NRXN3: variants seen among roughly 807,000 people sequenced by gnomAD.
NRXN3 encodes the protein neurexin III.
A neutral mutation model predicts 137.6 loss-of-function variants in NRXN3; 32 were observed. The ratio of observed to expected loss-of-function variants is 0.23; its 90% CI spans 0.18 to 0.31. The LOEUF (loss-of-function observed/expected upper bound fraction) is 0.31, where lower values mean the gene tolerates loss of function less well. NRXN3 is among the 10% of genes least tolerant of loss of function. The probability of loss-of-function intolerance (pLI) is 1.00; values close to 1 mark genes in which losing one functional copy is unlikely to be tolerated. For synonymous variants in NRXN3, 798 were observed against 784.5 expected (o/e 1.02, Z -0.29); for missense variants, 1,574 against 2,062.5 (o/e 0.76, Z 4.59).
At chr14:78,665,177 A>C (rs1201312839) in intron 6 of NRXN3, among the ~76,000 whole-genome samples, 1 of 152,228 alleles carries the variant, frequency 6.6e-6, no homozygotes, top group Non-Finnish European at 1.5e-5. Flanking sequence ...CATGAAGGAA[A>C]TGAAAGAGAA....
intron 16 of NRXN3, among the ~76,000 whole-genome samples, chr14:79,472,709 G>A (rs2096525266): frequency 6.6e-6 from 1 of 152,122 alleles, no homozygotes; most frequent in African/African-American, 2.4e-5. Flanking sequence ...GCTATCGCTT[G>A]CGAGTGACAT....
At chr14:79,240,895 C>A (rs1388665649) in intron 15 of NRXN3, among the ~76,000 whole-genome samples, 4 of 152,158 alleles carry the variant, frequency 2.6e-5, no homozygotes, top group African/African-American at 9.7e-5. Context: ...CATGCAGGTG[C>A]AGAATCTAGA....
intron 4 of NRXN3, among the ~76,000 whole-genome samples, chr14:78,339,687 C>G (rs76429429): frequency 1.3e-5 from 2 of 152,004 alleles, no homozygotes; most frequent in African/African-American, 4.8e-5. Flanking sequence ...ACATGTGGAC[C>G]CTTAAGATGA....
chr14:78,383,593 A>G (rs925409416), intron 4 of NRXN3, among the ~76,000 whole-genome samples: 11 of 152,356 alleles, frequency 7.2e-5, no homozygotes, highest in African/African-American at 2.6e-4. Context: ...TAGGCATATC[A>G]TCTACTGTAC....
chr14:79,382,994 G>T (rs181680759), intron 15 of NRXN3, among the ~76,000 whole-genome samples: 2 of 150,444 alleles, frequency 1.3e-5, no homozygotes, highest in Admixed American at 6.7e-5. Flanking sequence ...AGGTGTGTGG[G>T]TGGGTGGGTG....
chr14:78,196,579 T>C (rs2061250593), intron 1 of NRXN3, among the ~76,000 whole-genome samples: 1 of 152,218 alleles, frequency 6.6e-6, no homozygotes, highest in African/African-American at 2.4e-5. Context: ...CAAATCTCAT[T>C]CCTTTATCAT....
chr14:79,738,810 C>T (rs577396824), intron 19 of NRXN3, among the ~76,000 whole-genome samples: 181 of 152,174 alleles, frequency 1.2e-3, no homozygotes, highest in African/African-American at 3.3e-3. Context: ...CCATCTGCCT[C>T]GGCCTCCCCA....
In NRXN3 at chr14:79,365,612, G is replaced by A. The variant is rs1360394063; in HGVS notation, c.3263-101609G>A. Reference sequence around the variant, plus strand: ...CGGGCGCCTGTAGTCCCAGCTACTCGGGAGGCTGAGGCAGGAGAATGGCAT... The same window carrying A: ...CGGGCGCCTGTAGTCCCAGCTACTCAGGAGGCTGAGGCAGGAGAATGGCAT... On this transcript the variant is annotated intron_variant, in intron 15 of 20. Coordinates refer to ENST00000335750, the MANE Select transcript of NRXN3 (RefSeq NM_001330195.2). Among the ~76,000 whole-genome samples the A allele has an allele frequency of 9.3e-5, 14 of 150,674 alleles. No homozygotes were observed. In the East Asian group the frequency reaches 2.0e-3, roughly 21 times the overall value.
chr14:78,790,193 A>C (rs2098801027), intron 8 of NRXN3, among the ~76,000 whole-genome samples: 1 of 152,234 alleles, frequency 6.6e-6, no homozygotes, highest in Non-Finnish European at 1.5e-5. Flanking sequence ...ATTCTATTAG[A>C]AGGTATACAT....
chr14:79,497,415 T>C (rs2096777909), intron 16 of NRXN3, among the ~76,000 whole-genome samples: 1 of 152,082 alleles, frequency 6.6e-6, no homozygotes, highest in Non-Finnish European at 1.5e-5. Context: ...CTCAATCCTT[T>C]CCCACCTCCC....
intron 4 of NRXN3, among the ~76,000 whole-genome samples, chr14:78,497,379 A>G (rs2095802309): frequency 6.6e-6 from 1 of 152,014 alleles, no homozygotes; most frequent in Admixed American, 6.6e-5. Flanking sequence ...TCTTTCCATG[A>G]TCCTCTTAAA....
At chr14:79,588,473 A>T in intron 16 of NRXN3, among the ~76,000 whole-genome samples, 1 of 152,282 alleles carries the variant, frequency 6.6e-6, no homozygotes, top group Admixed American at 6.5e-5. Context: ...ATCAGGAGGG[A>T]AAAAAAGGCT....
intron 15 of NRXN3, among the ~76,000 whole-genome samples, chr14:79,436,363 C>T (rs540893823): frequency 5.3e-5 from 8 of 152,112 alleles, no homozygotes; most frequent in African/African-American, 1.9e-4. Context: ...TTGAATGCAC[C>T]CAGTCTCATT....
chr14:78,944,207 C>G (rs1039054205), intron 10 of NRXN3, among the ~76,000 whole-genome samples: 1 of 152,140 alleles, frequency 6.6e-6, no homozygotes, highest in South Asian at 2.1e-4. Flanking sequence ...CTTTTCACTT[C>G]TGGCTACAAA....
intron 15 of NRXN3, among the ~76,000 whole-genome samples, chr14:79,188,893 G>A (rs1001439463): frequency 1.3e-5 from 2 of 152,150 alleles, no homozygotes; most frequent in Admixed American, 6.5e-5. Flanking sequence ...AACAACAGGT[G>A]ATGGAGAGGA....
intron 11 of NRXN3, among the ~76,000 whole-genome samples, chr14:78,961,798 A>G (rs1258604458): frequency 1.3e-5 from 2 of 152,190 alleles, no homozygotes; most frequent in African/African-American, 4.8e-5. Context: ...CTTCATAGGA[A>G]TAGGAAGCTA....
chr14:78,820,089 C>T (rs577533823), intron 10 of NRXN3, among the ~76,000 whole-genome samples: 5 of 152,034 alleles, frequency 3.3e-5, no homozygotes, highest in South Asian at 4.2e-4. Flanking sequence ...GACCTCTATG[C>T]GGTGTAGGAT....
chr14:78,424,779 C>A (rs2093595895), intron 4 of NRXN3, among the ~76,000 whole-genome samples: 1 of 152,102 alleles, frequency 6.6e-6, no homozygotes, highest in African/African-American at 2.4e-5. Flanking sequence ...CCAGTCCTTC[C>A]AACAACAAAA....
chr14:78,642,502 C>T (rs1217645391), intron 4 of NRXN3, among the ~76,000 whole-genome samples: 1 of 152,188 alleles, frequency 6.6e-6, no homozygotes, highest in Non-Finnish European at 1.5e-5. Context: ...GCACTACTTT[C>T]CTTGCTCATT....
Sources: gnomAD v4.1 joint callset for allele counts (sites outside exome capture counted in the v4.1 genomes callset) on GRCh38, gnomAD v4.1.1 for gene constraint, MANE v1.5 for transcripts, NCBI Gene and HGNC (gene_info 2026-07-23, HGNC 2026-07-21) for gene names.